The following MEIS2 variants were observed in gnomAD, a reference collection of about 807,000 sequenced individuals.
The protein encoded by MEIS2 is homeobox protein Meis2.
In MEIS2, 9 loss-of-function variants were observed where a neutral mutation model predicts 58.6. The observed-to-expected ratio is 0.15, with a 90% CI of 0.09 to 0.27. The LOEUF is 0.27. MEIS2 is among the 10% of genes least tolerant of loss of function. MEIS2 has a pLI of 1.00. For synonymous variants in MEIS2, 221 were observed against 228.4 expected, an observed-to-expected ratio of 0.97 and a Z score of 0.29; for missense variants, 427 against 635.0, an observed-to-expected ratio of 0.67 and a Z score of 3.52.
intron 9 of MEIS2, among the ~76,000 whole-genome samples, chr15:36,937,377 G>A (rs1386311804): frequency 6.6e-6 from 1 of 152,122 alleles, no homozygotes; most frequent in Non-Finnish European, 1.5e-5. Context: ...AACGCTACAT[G>A]TAACTTTGAC....
rs1042338814 is a variant in MEIS2 at position 37,095,558 on chromosome 15, C to G, written c.438+6G>C. 1 of 1,614,034 alleles carries G rather than the reference C, an allele frequency of 6.2e-7. No homozygotes were observed. Among genetic ancestry groups the G allele is most frequent in the Non-Finnish European group, 8.5e-7 (1 of 1,180,024 alleles). ...CTGGGGAAAAACAAGGAACAGAGAG[C>G]CTTACCAAATTGTCCAGCTCTGGAT... On this transcript the variant is annotated splice_donor_region_variant and intron_variant, in intron 4 of 11. Coordinates refer to ENST00000561208, the MANE Select transcript of MEIS2 (RefSeq NM_170675.5).
At chr15:36,951,887 C>G (rs1181292918) in intron 8 of MEIS2, among the ~76,000 whole-genome samples, 2 of 152,078 alleles carry the variant, frequency 1.3e-5, no homozygotes, top group African/African-American at 2.4e-5. Context: ...AGTAATGACC[C>G]CTTCACTGCT....
At chr15:36,916,114 CT>C (rs369543732) in intron 9 of MEIS2, among the ~76,000 whole-genome samples, 27 of 147,680 alleles carry the variant, frequency 1.8e-4, no homozygotes, top group Admixed American at 2.7e-4. Context: ...TCTTCTTCTT[CT>C]TTTTTTTTTG....
intron 7 of MEIS2, among the ~76,000 whole-genome samples, chr15:37,061,154 C>T (rs1400213235): frequency 2.0e-5 from 3 of 152,210 alleles, no homozygotes; most frequent in African/African-American, 7.2e-5. Flanking sequence ...GACTCCAGCT[C>T]TAGATATCCC....
intron 8 of MEIS2, among the ~76,000 whole-genome samples, chr15:36,967,004 T>C (rs2059379743): frequency 6.6e-6 from 1 of 152,116 alleles, no homozygotes; most frequent in Non-Finnish European, 1.5e-5. Flanking sequence ...GTGGGTCATG[T>C]TAAAGGATGT....
intron 9 of MEIS2, among the ~76,000 whole-genome samples, chr15:36,931,076 G>T (rs2057958773): frequency 1.3e-5 from 2 of 152,180 alleles, no homozygotes; most frequent in South Asian, 4.1e-4. Context: ...AACATTCCTA[G>T]AAAATTTCCT....
At chr15:36,993,128 G>A (rs2060358336) in intron 8 of MEIS2, among the ~76,000 whole-genome samples, 1 of 152,094 alleles carries the variant, frequency 6.6e-6, no homozygotes, top group Admixed American at 6.5e-5. Context: ...AGTTCTGGAA[G>A]GATGAGCACA....
In MEIS2 at chr15:36,890,037, A is replaced by G. The variant is rs1199470350; in HGVS notation, c.*2136T>C. 1 of 152,230 alleles carries G rather than the reference A, an allele frequency of 6.6e-6. No individual in the cohort carries two copies. Among genetic ancestry groups the G allele is most frequent in the African/African-American group, 2.4e-5 (1 of 41,474 alleles). 9.4% of individuals were successfully genotyped at this position (152,230 alleles called of 1,614,324 possible). On this transcript the variant is annotated 3_prime_UTR_variant, in exon 12 of 12. Coordinates refer to ENST00000561208, the MANE Select transcript of MEIS2 (RefSeq NM_170675.5). ...TGTATTTCCTCGTTCATTTATATAGAACCTCCATAAATGCTGTCTGAAATG... is the reference window on the plus strand; with the variant it reads ...TGTATTTCCTCGTTCATTTATATAGGACCTCCATAAATGCTGTCTGAAATG...
intron 8 of MEIS2, among the ~76,000 whole-genome samples, chr15:36,968,627 C>G (rs2059431895): frequency 6.6e-6 from 1 of 152,164 alleles, no homozygotes; most frequent in Admixed American, 6.5e-5. Context: ...TCACAAAATC[C>G]TTGATATGAC....
At chr15:36,916,837 A>G (rs890563250) in intron 9 of MEIS2, among the ~76,000 whole-genome samples, 1 of 152,222 alleles carries the variant, frequency 6.6e-6, no homozygotes, top group Non-Finnish European at 1.5e-5. Flanking sequence ...GAATGCATAC[A>G]TGTATCCTCT....
intron 8 of MEIS2, among the ~76,000 whole-genome samples, chr15:37,013,627 AATAC>A (rs1422305456): frequency 2.0e-5 from 3 of 148,600 alleles, no homozygotes; most frequent in Non-Finnish European, 4.5e-5. Context: ...ATATATATAT[AATAC>A]ATATATATAT....
At chr15:37,019,456 G>A (rs2061450657) in intron 8 of MEIS2, among the ~76,000 whole-genome samples, 1 of 152,134 alleles carries the variant, frequency 6.6e-6, no homozygotes, top group Non-Finnish European at 1.5e-5. Context: ...CATTGTATCT[G>A]TAGTGCACAG....
chr15:37,095,407 C>G (rs573583515), intron 4 of MEIS2, among the ~76,000 whole-genome samples, 157 bp downstream of exon 4: 1 of 152,332 alleles, frequency 6.6e-6, no homozygotes, highest in East Asian at 1.9e-4. Context: ...TCGCCAGCTC[C>G]CGTGCGGGGG....
chr15:37,045,813 G>C (rs1198301886), intron 7 of MEIS2, among the ~76,000 whole-genome samples: 2 of 152,176 alleles, frequency 1.3e-5, no homozygotes, highest in African/African-American at 4.8e-5. Context: ...GAGATGAAAT[G>C]CTTTCGTTTA....
intron 7 of MEIS2, among the ~76,000 whole-genome samples, chr15:37,068,668 G>A (rs1890280393): frequency 6.6e-6 from 1 of 152,066 alleles, no homozygotes; most frequent in African/African-American, 2.4e-5. Flanking sequence ...CCTCCTACTG[G>A]CAAGTGTACC....
chr15:37,028,411 G>A (rs1771582265), intron 8 of MEIS2, among the ~76,000 whole-genome samples: 1 of 152,040 alleles, frequency 6.6e-6, no homozygotes, highest in Non-Finnish European at 1.5e-5. Flanking sequence ...CACCAAATTG[G>A]GACTACAAGT....
At chr15:37,021,939 C>A (rs533527769) in intron 8 of MEIS2, among the ~76,000 whole-genome samples, 5 of 152,082 alleles carry the variant, frequency 3.3e-5, no homozygotes, top group Non-Finnish European at 7.4e-5. Context: ...CCCCTTATCT[C>A]AAAATACTTT....
chr15:36,981,204 TTA>T (rs1204364783), intron 8 of MEIS2, among the ~76,000 whole-genome samples: 1 of 152,298 alleles, frequency 6.6e-6, no homozygotes, highest in African/African-American at 2.4e-5. Flanking sequence ...TATTGTGATT[TTA>T]TCTTTTTATT....
chr15:37,011,408 G>T (rs1595921089), intron 8 of MEIS2, among the ~76,000 whole-genome samples: 2 of 152,074 alleles, frequency 1.3e-5, no homozygotes, highest in East Asian at 3.9e-4. Flanking sequence ...ATAGAAAAAT[G>T]AAGTTCTTTA....
Sources: allele counts gnomAD v4.1 joint callset (sites outside exome capture counted in the v4.1 genomes callset), GRCh38; gene constraint gnomAD v4.1.1; transcripts MANE v1.5; gene names NCBI Gene and HGNC (gene_info 2026-07-23, HGNC 2026-07-21).